GRIK2: variants seen among roughly 807,000 people sequenced by gnomAD.
GRIK2 encodes the protein glutamate ionotropic receptor kainate type subunit 2.
GRIK2 carries 32 observed loss-of-function variants against 100.3 expected under a neutral mutation model. The observed-to-expected ratio is 0.32, with a 90% CI of 0.24 to 0.43. The LOEUF (loss-of-function observed/expected upper bound fraction) is 0.43. Among genes scored for constraint, GRIK2 ranks in the 20% least tolerant of loss-of-function variants. GRIK2 has a pLI of 1.00. For synonymous variants in GRIK2, 417 were observed against 389.4 expected (o/e 1.07, Z -0.83); for missense variants, 843 against 1,114.9 (o/e 0.76, Z 3.47).
intron 7 of GRIK2, among the ~76,000 whole-genome samples, chr6:101,730,004 T>C (rs1775148214): frequency 6.6e-6 from 1 of 151,994 alleles, no homozygotes; most frequent in African/African-American, 2.4e-5. Flanking sequence ...TAAATGGCCT[T>C]AGGTTTTTTA....
intron 2 of GRIK2, among the ~76,000 whole-genome samples, chr6:101,599,012 C>T (rs1309419703): frequency 6.6e-6 from 1 of 151,344 alleles, no homozygotes; most frequent in Non-Finnish European, 1.5e-5. Context: ...ATTTCATCAC[C>T]CAGGTAGTCA....
chr6:101,658,335 A>C (rs973433165), intron 4 of GRIK2, among the ~76,000 whole-genome samples: 1 of 152,182 alleles, frequency 6.6e-6, no homozygotes, highest in African/African-American at 2.4e-5. Context: ...TAGTTTGCTG[A>C]GAATGATGGT....
At chr6:101,617,001 A>T (rs542916347) in intron 2 of GRIK2, among the ~76,000 whole-genome samples, 2 of 151,598 alleles carry the variant, frequency 1.3e-5, no homozygotes, top group Admixed American at 1.3e-4. Flanking sequence ...ATTATATTTA[A>T]TATACTTTCA....
At chr6:101,899,093 G>GT (rs1787672192) in intron 12 of GRIK2, among the ~76,000 whole-genome samples, 1 of 135,992 alleles carries the variant, frequency 7.4e-6, no homozygotes. Context: ...GTTTCTTTTT[G>GT]TTGTTTTTGT....
At position 101,755,617 on chromosome 6, in the gene GRIK2, G is replaced by A. The variant is rs559398014; in HGVS notation, c.952-44031G>A. 4.2e-4 allele frequency among the ~76,000 whole-genome samples: 64 copies of A among 152,254 alleles called. 1 individual carries two copies. Among genetic ancestry groups the A allele is most frequent in the African/African-American group, 1.5e-3 (63 of 41,540 alleles). On this transcript the variant is annotated intron_variant, in intron 7 of 16. Coordinates refer to ENST00000369134, the MANE Select transcript of GRIK2 (RefSeq NM_021956.5). ...AGTTCCATCTTCCAGATAAACTAGT[G>A]TGTTATCTGCCTTAGCTCGTCAGAT... is the stretch of plus-strand genomic sequence containing the variant.
At chr6:101,731,832 A>G (rs554430354) in intron 7 of GRIK2, among the ~76,000 whole-genome samples, 304 of 152,124 alleles carry the variant, frequency 2.0e-3, no homozygotes, top group Non-Finnish European at 2.8e-3. Flanking sequence ...AGTTACCTAC[A>G]ATTTACAGAA....
intron 10 of GRIK2, among the ~76,000 whole-genome samples, chr6:101,830,726 G>A (rs1421581668): frequency 2.0e-5 from 3 of 151,804 alleles, no homozygotes; most frequent in African/African-American, 4.8e-5. Flanking sequence ...CACAGATGCT[G>A]GTGAGGTGGG....
At chr6:101,527,140 C>A (rs557936383) in intron 2 of GRIK2, among the ~76,000 whole-genome samples, 2 of 152,268 alleles carry the variant, frequency 1.3e-5, no homozygotes, top group South Asian at 4.1e-4. Context: ...AGTCTCAAAC[C>A]CTGCTGCCCC....
intron 10 of GRIK2, among the ~76,000 whole-genome samples, chr6:101,853,434 C>T (rs1027645401): frequency 6.6e-6 from 1 of 152,206 alleles, no homozygotes; most frequent in Non-Finnish European, 1.5e-5. Flanking sequence ...ACACTGACAA[C>T]ACCAAATGCT....
intron 7 of GRIK2, among the ~76,000 whole-genome samples, chr6:101,750,117 G>T (rs915361249): frequency 6.6e-6 from 1 of 152,038 alleles, no homozygotes; most frequent in African/African-American, 2.4e-5. Flanking sequence ...ACCCAGCAGT[G>T]TGTGCCAGTT....
chr6:102,020,368 C>G (rs2114360544), intron 14 of GRIK2, among the ~76,000 whole-genome samples: 1 of 151,954 alleles, frequency 6.6e-6, no homozygotes, highest in Admixed American at 6.6e-5. Context: ...GGGATCAACT[C>G]AGAATACATC....
intron 10 of GRIK2, among the ~76,000 whole-genome samples, chr6:101,844,582 A>G (rs1783698701): frequency 6.6e-6 from 1 of 152,302 alleles, no homozygotes; most frequent in Non-Finnish European, 1.5e-5. Context: ...AGCATTTGCT[A>G]GTTTTAAATA....
chr6:101,795,237 G>T (rs1228093505), intron 7 of GRIK2, among the ~76,000 whole-genome samples: 1 of 152,126 alleles, frequency 6.6e-6, no homozygotes, highest in Non-Finnish European at 1.5e-5. Flanking sequence ...CTATGGTATT[G>T]GTTGAGGGGG....
At chr6:101,694,681 T>C (rs1391177688) in intron 7 of GRIK2, among the ~76,000 whole-genome samples, 1 of 152,026 alleles carries the variant, frequency 6.6e-6, no homozygotes, top group African/African-American at 2.4e-5. Context: ...ATTTTTAAAA[T>C]GTATAGAATA....
intron 10 of GRIK2, among the ~76,000 whole-genome samples, chr6:101,825,977 T>C (rs1053588894): frequency 6.6e-6 from 1 of 152,120 alleles, no homozygotes; most frequent in Non-Finnish European, 1.5e-5. Context: ...ATGCTCCACA[T>C]GCATCAAACC....
chr6:101,980,431 G>A (rs1793645047), intron 14 of GRIK2, among the ~76,000 whole-genome samples: 1 of 151,914 alleles, frequency 6.6e-6, no homozygotes, highest in South Asian at 2.1e-4. Context: ...GTTAGTGTCA[G>A]AAGAATTTGA....
intron 6 of GRIK2, among the ~76,000 whole-genome samples, chr6:101,685,966 A>G (rs1372489899): frequency 6.6e-6 from 1 of 152,134 alleles, no homozygotes; most frequent in Non-Finnish European, 1.5e-5. Flanking sequence ...AGAATAAAAT[A>G]TATACATAGA....
intron 4 of GRIK2, among the ~76,000 whole-genome samples, chr6:101,672,216 C>A (rs926406034): frequency 3.0e-4 from 45 of 152,156 alleles, no homozygotes; most frequent in African/African-American, 1.0e-3. Flanking sequence ...CCTGGAACAG[C>A]AATGATCTTG....
At chr6:101,625,297 C>T (rs1012326691) in intron 3 of GRIK2, among the ~76,000 whole-genome samples, 4 of 151,744 alleles carry the variant, frequency 2.6e-5, no homozygotes, top group Admixed American at 6.6e-5. Context: ...CGCTTGAACC[C>T]GGGAGGCAAA....
Sources: gnomAD v4.1 joint callset for allele counts (sites outside exome capture counted in the v4.1 genomes callset) on GRCh38, gnomAD v4.1.1 for gene constraint, MANE v1.5 for transcripts, NCBI Gene and HGNC (gene_info 2026-07-23, HGNC 2026-07-21) for gene names.